The following RERE variants were observed in gnomAD, a reference collection of about 807,000 sequenced individuals.
The protein encoded by RERE is arginine-glutamic acid dipeptide repeats protein.
RERE carries 40 observed loss-of-function variants against 146.1 expected under a neutral mutation model. The ratio of observed to expected loss-of-function variants is 0.27; its 90% CI spans 0.21 to 0.36. The LOEUF is 0.36. RERE is among the 10% of genes least tolerant of loss of function. The probability of loss-of-function intolerance (pLI) is 1.00; values close to 1 mark genes in which losing one functional copy is unlikely to be tolerated. For synonymous variants in RERE, 1,003 were observed against 866.0 expected, an observed-to-expected ratio of 1.16 and a Z score of -2.78; for missense variants, 1,933 against 2,138.7, an observed-to-expected ratio of 0.90 and a Z score of 1.90.
chr1:8,437,988 T>C (rs1303804272), intron 11 of RERE, among the ~76,000 whole-genome samples: 1 of 151,902 alleles, frequency 6.6e-6, no homozygotes, highest in African/African-American at 2.4e-5. Flanking sequence ...TTTATTATTA[T>C]TTATTATTAT....
chr1:8,763,391 G>A (rs1330015641), intron 1 of RERE, among the ~76,000 whole-genome samples: 3 of 152,160 alleles, frequency 2.0e-5, no homozygotes, highest in African/African-American at 4.8e-5. Flanking sequence ...CCAGCACTTC[G>A]GGAGACTGAG....
At chr1:8,799,147 C>T (rs1641538416) in intron 1 of RERE, among the ~76,000 whole-genome samples, 1 of 151,956 alleles carries the variant, frequency 6.6e-6, no homozygotes. Flanking sequence ...GAACCCGCCA[C>T]CACGTCCAGC....
At chr1:8,693,356 T>G (rs1639249969) in intron 1 of RERE, among the ~76,000 whole-genome samples, 1 of 152,170 alleles carries the variant, frequency 6.6e-6, no homozygotes, top group African/African-American at 2.4e-5. Flanking sequence ...TGTCCTTCGG[T>G]AGGTAAGCAG....
At chr1:8,728,331 A>G (rs1640012470) in intron 1 of RERE, among the ~76,000 whole-genome samples, 1 of 152,170 alleles carries the variant, frequency 6.6e-6, no homozygotes, top group African/African-American at 2.4e-5. Flanking sequence ...ATCATTCTTT[A>G]TATTTAAGAA....
intron 1 of RERE, among the ~76,000 whole-genome samples, chr1:8,755,438 G>A (rs1197422781): frequency 2.0e-5 from 3 of 152,128 alleles, no homozygotes; most frequent in Non-Finnish European, 4.4e-5. Flanking sequence ...GGAACGTTTT[G>A]TAGATCTGTT....
At chr1:8,506,857 C>T (rs1294830763) in intron 8 of RERE, among the ~76,000 whole-genome samples, 1 of 152,126 alleles carries the variant, frequency 6.6e-6, no homozygotes, top group African/African-American at 2.4e-5. Flanking sequence ...TAAAATATAG[C>T]CAATAAATTA....
Position 8,364,695 on chromosome 1 carries a change from G to A in RERE, c.1540+51C>T. 2.3e-6 allele frequency: 3 copies of A among 1,309,440 alleles called. No homozygotes were observed. Among genetic ancestry groups the A allele is most frequent in the East Asian group, 2.3e-5 (1 of 43,444 alleles). The allele number at this position is 1,309,440 out of a possible 1,614,324, so 81.1% of individuals were successfully genotyped here. A position where few individuals can be genotyped will look rare whatever the true frequency, so the allele number is the denominator to read the frequency against. On this transcript the variant is annotated intron_variant, in intron 14 of 22. Transcript: ENST00000400908. This position sits in a 1 kb window ranked among gnomAD's most constrained non-coding sequence, Gnocchi z 5.1. ...TGGATGCATGAAATGTTCAGAACAT[G>A]GAAGTGCTTGTGCCCCCGCCCCGCC...
chr1:8,363,797 GGA>G (rs1237041200), intron 15 of RERE: 2 of 532,450 alleles, frequency 3.8e-6, no homozygotes, highest in Admixed American at 6.6e-5. Context: ...GAGGGGCCTT[GGA>G]GAGCCTGCAC....
At chr1:8,513,492 C>T (rs2124317262) in intron 7 of RERE, among the ~76,000 whole-genome samples, 1 of 152,258 alleles carries the variant, frequency 6.6e-6, no homozygotes, top group South Asian at 2.1e-4. Context: ...AAGAATATAG[C>T]CTTTTTGATA....
At position 8,358,861 on chromosome 1, in the gene RERE, G is replaced by C. The variant is rs928942368; in HGVS notation, c.3674C>G (p.Pro1225Arg). 5.7e-6 allele frequency: 9 copies of C among 1,592,518 alleles called. No homozygotes were observed. Among genetic ancestry groups the C allele is most frequent in the African/African-American group, 1.3e-5 (1 of 74,638 alleles). The change falls in exon 20 of 23, where the codon CCT (proline) becomes CGT (arginine). Residue 1225 changes from proline to arginine, a missense_variant. Physicochemically the swap from Pro to Arg is moderately radical, Grantham distance 103. This residue lies in a region of RERE where 1,255 missense variants were observed against 1,153.8 expected (regional missense o/e 1.09). Coordinates refer to ENST00000400908, the MANE Select transcript of RERE (RefSeq NM_001042681.2). ...CTCGAAGGATGGCCGCATGTGGCCAGGACCACTGAGCTGTGGGTCACTGAG... is the reference window on the plus strand; with the variant it reads ...CTCGAAGGATGGCCGCATGTGGCCACGACCACTGAGCTGTGGGTCACTGAG... The part of the protein sequence containing the change: ...GRLSDPQLSG[P>R]GHMRPSFEPP...
chr1:8,649,337 TACAAA>T (rs1647482666), intron 2 of RERE, among the ~76,000 whole-genome samples: 1 of 152,184 alleles, frequency 6.6e-6, no homozygotes, highest in African/African-American at 2.4e-5. Context: ...TGGGAAGTAA[TACAAA>T]ACAGACTTCC....
At chr1:8,374,883 T>A (rs1642180443) in intron 12 of RERE, among the ~76,000 whole-genome samples, 1 of 151,930 alleles carries the variant, frequency 6.6e-6, no homozygotes, top group Non-Finnish European at 1.5e-5. Context: ...CACCCCCACC[T>A]CCTCCTCTGT....
intron 12 of RERE, among the ~76,000 whole-genome samples, chr1:8,372,904 T>C (rs1236215330): frequency 6.6e-6 from 1 of 152,206 alleles, no homozygotes; most frequent in Non-Finnish European, 1.5e-5. Context: ...TTCTGGGCCA[T>C]GCATCGCCCA....
chr1:8,602,468 T>C (rs185769414), intron 4 of RERE, among the ~76,000 whole-genome samples: 3 of 151,044 alleles, frequency 2.0e-5, no homozygotes, highest in African/African-American at 4.9e-5. Context: ...TGCATGTATA[T>C]GTTTTATAAG....
chr1:8,789,301 A>AAAAAAAAAAAATATATATATATAT, intron 1 of RERE, among the ~76,000 whole-genome samples: 1 of 24,814 alleles, frequency 4.0e-5, no homozygotes, highest in Non-Finnish European at 6.5e-5. Flanking sequence ...AAAAAAAAAA[A>AAAAAAAAAAAATATATATATATAT]ATATATATAT....
At chr1:8,556,174 C>A (rs75378805) in intron 6 of RERE, among the ~76,000 whole-genome samples, 3,934 of 151,722 alleles carry the variant, frequency 0.026, 154 homozygotes, top group African/African-American at 0.09. Context: ...CACCCACATA[C>A]TTCAGCAAAC....
In RERE at chr1:8,487,727, C is replaced by G. The variant is rs187372526; in HGVS notation, c.1104+7336G>C. Among the ~76,000 whole-genome samples the G allele has an allele frequency of 5.9e-5, 9 of 152,030 alleles. No homozygotes were observed. In the East Asian group the frequency reaches 1.7e-3, roughly 29 times the overall value. ...AATAAAGCACAAAAAAGAAATAAAA[C>G]ACATAGATCATAAAGGAAGAGGTAA... On this transcript the variant is annotated intron_variant, in intron 10 of 22. Coordinates refer to ENST00000400908, the MANE Select transcript of RERE (RefSeq NM_001042681.2).
Position 8,356,035 on chromosome 1 carries a change from A to C in RERE, c.4486+65T>G. ...GAATGAATGAGTAATGAATGAAGAC[A>C]GCAGACCAGACCCCAACCCAACCCT... On this transcript the variant is annotated intron_variant, in intron 21 of 22. Transcript: ENST00000400908. This position sits in a 1 kb window ranked among gnomAD's most constrained non-coding sequence, Gnocchi z 5.2. 1 of 1,429,310 alleles carries C rather than the reference A, an allele frequency of 7.0e-7. No homozygotes were observed. The highest frequency in any genetic ancestry group is 9.2e-7 in the Non-Finnish European group (1 of 1,082,580). 88.5% of individuals were successfully genotyped at this position (1,429,310 alleles called of 1,614,324 possible).
chr1:8,381,260 C>T (rs1029454199), intron 12 of RERE, among the ~76,000 whole-genome samples: 3 of 152,112 alleles, frequency 2.0e-5, no homozygotes, highest in Non-Finnish European at 4.4e-5. Context: ...CCCTTTCCTC[C>T]GACTGGACTC....
Sources: allele counts gnomAD v4.1 joint callset (sites outside exome capture counted in the v4.1 genomes callset), GRCh38; gene constraint gnomAD v4.1.1; regional missense constraint gnomAD v4.1.1; non-coding constraint Gnocchi (gnomAD v3.1); transcripts MANE v1.5; gene names NCBI Gene and HGNC (gene_info 2026-07-23, HGNC 2026-07-21).